Variants in IFT74 observed in about 807,000 individuals in gnomAD.
IFT74 encodes the protein intraflagellar transport 74, also known as intraflagellar transport protein 74 homolog.
IFT74 carries 92 observed loss-of-function variants against 96.7 expected under a neutral mutation model. The ratio of observed to expected loss-of-function variants is 0.95; its 90% CI spans 0.80 to 1.13. The LOEUF (loss-of-function observed/expected upper bound fraction) is 1.13, where lower values mean the gene tolerates loss of function less well. IFT74 is among the 50% of genes most tolerant of loss of function. IFT74 has a pLI of 0.00. For synonymous variants in IFT74, 223 were observed against 213.2 expected (o/e 1.05, Z -0.40); for missense variants, 811 against 698.2 (o/e 1.16, Z -1.82).
chr9:26,995,863 C>G, intron 8 of IFT74: 7 of 1,562,394 alleles, frequency 4.5e-6, no homozygotes, highest in Non-Finnish European at 6.1e-6. Flanking sequence ...TAATGGAATA[C>G]CAAGAGAGGA....
intron 13 of IFT74, among the ~76,000 whole-genome samples, chr9:27,038,869 A>G (rs1348525439): frequency 1.3e-5 from 2 of 152,228 alleles, no homozygotes; most frequent in Non-Finnish European, 2.9e-5. Context: ...GAGGGATAGC[A>G]ACATGCCTAC....
Position 27,023,287 on chromosome 9 carries a change from C to T in IFT74, c.974+4600C>T, listed in dbSNP as rs144470541. ...TTTCCCCTGTTCAGTATAATGTTGGCTGTGGGTTTGTCATAGATAGCTTTT... is the reference window on the plus strand; with the variant it reads ...TTTCCCCTGTTCAGTATAATGTTGGTTGTGGGTTTGTCATAGATAGCTTTT... On this transcript the variant is annotated intron_variant, in intron 12 of 19. Transcript: ENST00000380062. Among the ~76,000 whole-genome samples the T allele has an allele frequency of 4.0e-3, 616 of 152,290 alleles. 3 individuals carry two copies. Among genetic ancestry groups the T allele is most frequent in the African/African-American group, 0.014 (591 of 41,556 alleles).
chr9:26,975,837 G>C (rs1827091325), intron 2 of IFT74, among the ~76,000 whole-genome samples: 1 of 152,194 alleles, frequency 6.6e-6, no homozygotes, highest in South Asian at 2.1e-4. Context: ...AGCCCCACCT[G>C]TTGGAGGCTC....
intron 2 of IFT74, among the ~76,000 whole-genome samples, chr9:26,963,397 T>C (rs1826456312): frequency 6.6e-6 from 1 of 151,046 alleles, no homozygotes; most frequent in African/African-American, 2.4e-5. Context: ...TTTGCTATTG[T>C]GAATAATGCC....
chr9:26,957,820 G>A (rs1223611988), intron 1 of IFT74, among the ~76,000 whole-genome samples: 2 of 151,580 alleles, frequency 1.3e-5, no homozygotes, highest in Non-Finnish European at 2.9e-5. Flanking sequence ...TTGAGACGGA[G>A]TCTTGCTCAG....
intron 6 of IFT74, among the ~76,000 whole-genome samples, chr9:26,985,357 C>T (rs1827587545): frequency 6.6e-6 from 1 of 152,050 alleles, no homozygotes; most frequent in Non-Finnish European, 1.5e-5. Flanking sequence ...GCTTAGTTAC[C>T]TAGGTGATTA....
chr9:27,008,983 A>G lies in IFT74; in HGVS notation c.588-37A>G, dbSNP rs201580177. 60 of 1,545,830 alleles carry G rather than the reference A, an allele frequency of 3.9e-5. 1 individual carries two copies. The East Asian group carries it at 8.8e-4, about 23-fold the overall frequency. On this transcript the variant is annotated intron_variant, in intron 8 of 19. Coordinates refer to ENST00000380062, the MANE Select transcript of IFT74 (RefSeq NM_025103.4). ...AAAATAATTGGATATTTTTTCCTCAATATAGTATCAGGAATATTACGTGCT... is the reference window on the plus strand; with the variant it reads ...AAAATAATTGGATATTTTTTCCTCAGTATAGTATCAGGAATATTACGTGCT...
chr9:27,028,771 A>AT, intron 12 of IFT74: 1 of 235,222 alleles, frequency 4.3e-6, no homozygotes, highest in Non-Finnish European at 8.1e-6. Flanking sequence ...AAAAAAAAAA[A>AT]GATCTAGACA....
chr9:26,994,831 G>C (rs1389667121), intron 8 of IFT74: 3 of 152,598 alleles, frequency 2.0e-5, no homozygotes, highest in African/African-American at 7.2e-5. Context: ...AAGATTTATA[G>C]ATAATTGTGA....
intron 1 of IFT74, chr9:26,947,167 G>A (rs1021470530): frequency 2.6e-5 from 31 of 1,196,914 alleles, no homozygotes; most frequent in Middle Eastern, 2.9e-4. Context: ...GCCGGAGACC[G>A]GAAGAGCCCG....
At chr9:27,036,122 T>C (rs1316526851) in intron 13 of IFT74, among the ~76,000 whole-genome samples, 1 of 152,212 alleles carries the variant, frequency 6.6e-6, no homozygotes, top group Non-Finnish European at 1.5e-5. Flanking sequence ...TATTTTCCAC[T>C]TACTAATGAA....
intron 2 of IFT74, chr9:26,976,625 G>A (rs1286220371): frequency 7.5e-6 from 3 of 400,924 alleles, no homozygotes; most frequent in Non-Finnish European, 1.5e-5. Flanking sequence ...AGGAATGTGA[G>A]CTGGGGCTGT....
At chr9:26,994,668 G>A (rs1441406953) in intron 8 of IFT74, 1 of 152,128 alleles carries the variant, frequency 6.6e-6, no homozygotes, top group African/African-American at 2.4e-5. Context: ...CTGGAAATTA[G>A]TATTCTAGAA....
chr9:26,997,478 C>T (rs1828226715), intron 8 of IFT74, among the ~76,000 whole-genome samples: 1 of 151,926 alleles, frequency 6.6e-6, no homozygotes, highest in Non-Finnish European at 1.5e-5. Flanking sequence ...GTACTACAGG[C>T]ATGCGCCACC....
intron 8 of IFT74, among the ~76,000 whole-genome samples, chr9:26,992,633 C>T (rs1827938113): frequency 6.6e-6 from 1 of 151,504 alleles, no homozygotes; most frequent in Admixed American, 6.6e-5. Context: ...GCGGAGGGTT[C>T]AGTAAGCCGA....
rs565472554 is a variant in IFT74 at position 27,015,568 on chromosome 9, C to T, written c.790-1339C>T. On this transcript the variant is annotated intron_variant, in intron 10 of 19. Transcript: ENST00000380062. ...AGGAGAATCGCTTGAACCTGGGAGGCGGAGTTTGCAGTGAGCCAAGATCGC... is the reference window on the plus strand; with the variant it reads ...AGGAGAATCGCTTGAACCTGGGAGGTGGAGTTTGCAGTGAGCCAAGATCGC... 4.0e-3 allele frequency among the ~76,000 whole-genome samples: 609 copies of T among 152,028 alleles called. 4 individuals are homozygous for T. The highest frequency in any genetic ancestry group is 6.8e-3 in the Middle Eastern group (2 of 294).
chr9:27,050,059 T>G (rs1819855981), intron 16 of IFT74, among the ~76,000 whole-genome samples: 1 of 152,018 alleles, frequency 6.6e-6, no homozygotes, highest in Non-Finnish European at 1.5e-5. Context: ...ATTTATTTAT[T>G]TATTTATTTA....
At chr9:26,961,809 C>A in intron 1 of IFT74, 140 bp from the exon 2 acceptor site, 1 of 717,040 alleles carries the variant, frequency 1.4e-6, no homozygotes, top group Non-Finnish European at 2.2e-6. Flanking sequence ...CATATTTGAA[C>A]AAAATTAGCC....
chr9:27,017,056 C>A lies in IFT74; in HGVS notation c.933+6C>A. 6.3e-7 allele frequency: 1 copy of A among 1,589,936 alleles called. No homozygotes were observed. Among genetic ancestry groups the A allele is most frequent in the South Asian group, 1.2e-5 (1 of 86,046 alleles). ...GAGAGAAATTACTTAAGCAGGTGGG[C>A]AAAACAAACATACTTATTTTAAGAT... On this transcript the variant is annotated splice_donor_region_variant and intron_variant, in intron 11 of 19. Coordinates refer to ENST00000380062, the MANE Select transcript of IFT74 (RefSeq NM_025103.4).
Sources: gnomAD v4.1 joint callset for allele counts (sites outside exome capture counted in the v4.1 genomes callset) on GRCh38, gnomAD v4.1.1 for gene constraint, MANE v1.5 for transcripts, NCBI Gene and HGNC (gene_info 2026-07-23, HGNC 2026-07-21) for gene names.